The following ARID4A variants were observed in gnomAD, a reference collection of about 807,000 sequenced individuals.
ARID4A encodes the protein AT-rich interactive domain-containing protein 4A.
ARID4A carries 39 observed loss-of-function variants against 148.6 expected under a neutral mutation model. The observed-to-expected ratio is 0.26, with a 90% CI of 0.20 to 0.34. The LOEUF (loss-of-function observed/expected upper bound fraction) is 0.34, where lower values mean the gene tolerates loss of function less well. Ranked by LOEUF, ARID4A falls within the 10% of genes least tolerant of loss-of-function variation. The pLI is 1.00. For missense variants in ARID4A, 1,265 were observed against 1,449.1 expected (o/e 0.87, Z 2.06); for synonymous variants, 475 against 481.2 (o/e 0.99, Z 0.17).
At chr14:58,320,549 C>T (rs2032806588) in intron 7 of ARID4A, among the ~76,000 whole-genome samples, 1 of 150,984 alleles carries the variant, frequency 6.6e-6, no homozygotes, top group African/African-American at 2.4e-5. Flanking sequence ...GTTCTTGAGT[C>T]TCCTTTAATC....
chr14:58,309,205 TC>T (rs1196804188), intron 5 of ARID4A, among the ~76,000 whole-genome samples: 1 of 152,224 alleles, frequency 6.6e-6, no homozygotes, highest in Non-Finnish European at 1.5e-5. Flanking sequence ...AGCCCTGAAT[TC>T]CTGGGCTCAA....
At chr14:58,333,571 A>G (rs1213235877) in intron 11 of ARID4A, among the ~76,000 whole-genome samples, 1 of 152,146 alleles carries the variant, frequency 6.6e-6, no homozygotes, top group Non-Finnish European at 1.5e-5. Context: ...GAATTTTTAA[A>G]TAACTACTGC....
At chr14:58,329,790 T>C (rs2033417942) in intron 10 of ARID4A, among the ~76,000 whole-genome samples, 186 bp downstream of exon 10, 1 of 152,330 alleles carries the variant, frequency 6.6e-6, no homozygotes, top group East Asian at 1.9e-4. Flanking sequence ...AGTTTAACTT[T>C]TCGTATTTTA....
At position 58,367,030 on chromosome 14, in the gene ARID4A, G is replaced by T. The variant is rs766423187; in HGVS notation, c.3670+1G>T. 6.8e-7 allele frequency: 1 copy of T among 1,479,514 alleles called. No homozygotes were observed. Among genetic ancestry groups the T allele is most frequent in the Non-Finnish European group, 8.9e-7 (1 of 1,120,422 alleles). 91.6% of individuals were successfully genotyped at this position (1,479,514 alleles called of 1,614,324 possible). The stretch of plus-strand genomic sequence containing the variant: ...AGATTAAAAAAGAAAGACAGGGAAG[G>T]TAATTTTATTATGATTTTTCTCCCC... On this transcript the variant is annotated splice_donor_variant, in intron 23 of 23. Coordinates refer to ENST00000355431, the MANE Select transcript of ARID4A (RefSeq NM_002892.4). LOFTEE classifies it high-confidence loss of function.
chr14:58,339,815 G>A (rs1411792180), intron 11 of ARID4A, among the ~76,000 whole-genome samples: 3 of 150,984 alleles, frequency 2.0e-5, no homozygotes, highest in Non-Finnish European at 4.4e-5. Context: ...AGGTGAAGGG[G>A]AAGCAAGCAT....
intron 4 of ARID4A, 39 bp from the exon 5 acceptor site, chr14:58,305,983 G>C: frequency 6.7e-7 from 1 of 1,495,946 alleles, no homozygotes; most frequent in Non-Finnish European, 9.3e-7. Context: ...TGGTTTATTT[G>C]TTTAAATTTG....
intron 8 of ARID4A, among the ~76,000 whole-genome samples, chr14:58,326,908 G>C (rs992680055): frequency 4.6e-5 from 7 of 151,844 alleles, no homozygotes; most frequent in African/African-American, 1.5e-4. Context: ...TGTTCTTTTT[G>C]TGTATCTTTT....
intron 16 of ARID4A, among the ~76,000 whole-genome samples, chr14:58,352,507 A>T (rs963711457): frequency 2.0e-5 from 3 of 152,142 alleles, no homozygotes; most frequent in Admixed American, 2.0e-4. Context: ...AAAGACTGTA[A>T]CTCTTTTGTA....
intron 7 of ARID4A, among the ~76,000 whole-genome samples, chr14:58,322,581 A>G (rs1389581215): frequency 1.3e-5 from 2 of 152,182 alleles, no homozygotes; most frequent in African/African-American, 4.8e-5. Flanking sequence ...TAATGAACCA[A>G]GTGGTTTTGA....
chr14:58,340,630 A>G (rs1264349774), intron 11 of ARID4A, among the ~76,000 whole-genome samples: 2 of 151,712 alleles, frequency 1.3e-5, no homozygotes, highest in East Asian at 1.9e-4. Context: ...GATTACAGGC[A>G]TGAGCCACTG....
intron 23 of ARID4A, chr14:58,369,985 T>C (rs1190357365): frequency 6.6e-6 from 1 of 152,220 alleles, no homozygotes; most frequent in Non-Finnish European, 1.5e-5. Flanking sequence ...AGAAGTTTTC[T>C]GCCTCTAGTA....
At chr14:58,360,410 C>T (rs1312727803) in intron 18 of ARID4A, among the ~76,000 whole-genome samples, 1 of 152,192 alleles carries the variant, frequency 6.6e-6, no homozygotes, top group Non-Finnish European at 1.5e-5. Flanking sequence ...GAAGCCAATA[C>T]TAAAATTTTA....
intron 11 of ARID4A, among the ~76,000 whole-genome samples, chr14:58,340,260 G>A (rs963337996): frequency 1.3e-5 from 2 of 151,716 alleles, no homozygotes; most frequent in Non-Finnish European, 2.9e-5. Context: ...AGTCTCACTC[G>A]TTTTGCCCAG....
In ARID4A at chr14:58,371,996, T is replaced by C; in HGVS notation, c.*7T>C. On this transcript the variant is annotated 3_prime_UTR_variant, in exon 24 of 24. Coordinates refer to ENST00000355431, the MANE Select transcript of ARID4A (RefSeq NM_002892.4). ...TGCTGTAGAATGCAGGTGATAAACA[T>C]TTTCTCTACCTTCCCAGCAGTTTGC... The C allele has an allele frequency of 6.3e-7, 1 of 1,575,786 alleles. No individual in the cohort carries two copies. Among genetic ancestry groups the C allele is most frequent in the Non-Finnish European group, 8.7e-7 (1 of 1,145,848 alleles).
intron 15 of ARID4A, among the ~76,000 whole-genome samples, chr14:58,348,754 C>CTATAAGAAGG (rs2034493114): frequency 6.6e-6 from 1 of 152,026 alleles, no homozygotes; most frequent in South Asian, 2.1e-4. Context: ...AGTTCAGAAA[C>CTATAAGAAGG]CAGTTTTCAA....
intron 11 of ARID4A, among the ~76,000 whole-genome samples, chr14:58,332,257 G>A (rs909605877): frequency 1.3e-5 from 2 of 152,014 alleles, no homozygotes; most frequent in Non-Finnish European, 2.9e-5. Flanking sequence ...AGCTTACAAG[G>A]ATAGTATCTT....
intron 23 of ARID4A, 103 bp downstream of exon 23, chr14:58,367,132 A>G (rs2035392336): frequency 4.4e-6 from 4 of 914,648 alleles, no homozygotes; most frequent in Non-Finnish European, 6.0e-6. Context: ...ACATTCATTA[A>G]TTGCTGTTTT....
intron 17 of ARID4A, among the ~76,000 whole-genome samples, chr14:58,356,289 T>C (rs1159366807): frequency 6.6e-6 from 1 of 152,190 alleles, no homozygotes; most frequent in African/African-American, 2.4e-5. Flanking sequence ...TTGGATAGAG[T>C]TATCCCTTTG....
rs753712529 is a variant in ARID4A at position 58,337,250 on chromosome 14, A to G, written c.906+7081A>G. ...CTCCTAGAACCTTCTCTTTATTTAT[A>G]TATATATATATATATATAATTAAAA... On this transcript the variant is annotated intron_variant, in intron 11 of 23. Transcript: ENST00000355431. Among the ~76,000 whole-genome samples, 11 of 125,830 alleles carry G rather than the reference A, an allele frequency of 8.7e-5. 2 individuals are homozygous for G. The highest frequency in any genetic ancestry group is 1.5e-4 in the Non-Finnish European group (9 of 59,544). The allele number at this position is 125,830 out of a possible 152,430, so 82.5% of individuals were successfully genotyped here.
Sources: gnomAD v4.1 joint callset for allele counts (sites outside exome capture counted in the v4.1 genomes callset) on GRCh38, gnomAD v4.1.1 for gene constraint, MANE v1.5 for transcripts, NCBI Gene and HGNC (gene_info 2026-07-23, HGNC 2026-07-21) for gene names.